Variants in ARHGEF10 observed in about 807,000 individuals in gnomAD.
The protein encoded by ARHGEF10 is Rho guanine nucleotide exchange factor (GEF) 10.
ARHGEF10 carries 140 observed loss-of-function variants against 147.4 expected under a neutral mutation model. The observed-to-expected ratio is 0.95, with a 90% confidence interval of 0.83 to 1.09. The LOEUF is 1.09. Among genes scored for constraint, ARHGEF10 ranks in the 50% least tolerant of loss-of-function variants. ARHGEF10 has a pLI of 0.00. For synonymous variants in ARHGEF10, 902 were observed against 695.8 expected, an observed-to-expected ratio of 1.30 and a Z score of -4.67; for missense variants, 2,222 against 1,752.7, an observed-to-expected ratio of 1.27 and a Z score of -4.78.
chr8:1,895,210 T>C (rs1464253085), intron 13 of ARHGEF10, among the ~76,000 whole-genome samples: 1 of 152,236 alleles, frequency 6.6e-6, no homozygotes, highest in African/African-American at 2.4e-5. Flanking sequence ...ACTGGCAGTT[T>C]CGAGTCATTT....
intron 2 of ARHGEF10, among the ~76,000 whole-genome samples, chr8:1,850,953 T>G (rs1236058424): frequency 3.3e-5 from 5 of 151,342 alleles, no homozygotes; most frequent in Non-Finnish European, 7.4e-5. Context: ...CTGAAAAGGC[T>G]GCGCCCGGTG....
intron 4 of ARHGEF10, among the ~76,000 whole-genome samples, chr8:1,861,899 TTTGA>T (rs939128229): frequency 2.0e-5 from 3 of 152,240 alleles, no homozygotes; most frequent in Admixed American, 1.3e-4. Flanking sequence ...TAAAATATTA[TTTGA>T]TTATTTAAAA....
chr8:1,944,211 G>A (rs1263248770), intron 26 of ARHGEF10, among the ~76,000 whole-genome samples: 4 of 148,660 alleles, frequency 2.7e-5, no homozygotes, highest in Non-Finnish European at 4.5e-5. Flanking sequence ...CCAGCCTCCT[G>A]CACCATGTCG....
At chr8:1,915,442 G>A (rs1419849746) in intron 18 of ARHGEF10, among the ~76,000 whole-genome samples, 3 of 152,216 alleles carry the variant, frequency 2.0e-5, no homozygotes, top group Non-Finnish European at 2.9e-5. Flanking sequence ...CCTGGGACTT[G>A]GGTCCCTGTT....
chr8:1,915,167 C>T (rs1293193456), intron 18 of ARHGEF10, among the ~76,000 whole-genome samples: 1 of 152,176 alleles, frequency 6.6e-6, no homozygotes, highest in Non-Finnish European at 1.5e-5. Flanking sequence ...TTCAAACATA[C>T]ATAGGGAGTA....
Position 1,957,274 on chromosome 8 carries a change from C to G in ARHGEF10, c.*11C>G. 6.2e-7 allele frequency: 1 copy of G among 1,604,218 alleles called. No individual in the cohort carries two copies. On this transcript the variant is annotated 3_prime_UTR_variant, in exon 29 of 29. Coordinates refer to ENST00000349830, the MANE Select transcript of ARHGEF10 (RefSeq NM_014629.4). ...CTGCTGAATATATAAGCAGGACGGC[C>G]GCCTTCTGCTGTCAGAATTTGCAAT...
At chr8:1,871,269 A>G (rs1019213679) in intron 7 of ARHGEF10, 4 of 152,128 alleles carry the variant, frequency 2.6e-5, no homozygotes, top group East Asian at 1.9e-4. Context: ...TTAACTATAT[A>G]GTATGCCTCA....
intron 11 of ARHGEF10, among the ~76,000 whole-genome samples, chr8:1,889,735 CGAGGAGACATTGAGTGGGATGAGGGTTGT>C (rs1269209878): frequency 2.1e-5 from 1 of 46,926 alleles, no homozygotes; most frequent in African/African-American, 9.4e-5. Flanking sequence ...GTGAGGGTTG[CGAGGAGACATTGAGTGGGATGAGGGTTGT>C]GAGGAGACAC....
chr8:1,894,225 C>A (rs1027937677), intron 12 of ARHGEF10, among the ~76,000 whole-genome samples, 168 bp from the exon 13 acceptor site: 3 of 151,574 alleles, frequency 2.0e-5, no homozygotes, highest in African/African-American at 4.8e-5. Flanking sequence ...TGGAACATGC[C>A]TATAATCCCA....
chr8:1,859,978 A>T lies in ARHGEF10; in HGVS notation c.275A>T (p.Tyr92Phe), dbSNP rs1805959634. ...KLVLPMKVNP[Y>F]SVIDITPFQE... Reference sequence around the variant, plus strand: ...GTGCTCCCGATGAAAGTCAACCCATATTCTGTCATCGACATCACGCCATTC... The same window carrying T: ...GTGCTCCCGATGAAAGTCAACCCATTTTCTGTCATCGACATCACGCCATTC... The change falls in exon 4 of 29, where the codon TAT (tyrosine) becomes TTT (phenylalanine). Residue 92 changes from tyrosine to phenylalanine, a missense_variant. Physicochemically the swap from Tyr to Phe is conservative, Grantham distance 22. Transcript: ENST00000349830. 2 of 1,614,024 alleles carry T rather than the reference A, an allele frequency of 1.2e-6. No individual in the cohort carries two copies. Among genetic ancestry groups the T allele is most frequent in the Admixed American group, 3.3e-5 (2 of 60,010 alleles).
At chr8:1,904,009 A>T (rs559322966) in intron 16 of ARHGEF10, 4 of 159,910 alleles carry the variant, frequency 2.5e-5, no homozygotes, top group African/African-American at 7.2e-5. Flanking sequence ...AGGCCAGAGG[A>T]TTGCTCGAGC....
chr8:1,908,502 G>A (rs920142939), intron 17 of ARHGEF10, among the ~76,000 whole-genome samples: 1 of 152,118 alleles, frequency 6.6e-6, no homozygotes, highest in Non-Finnish European at 1.5e-5. Context: ...AAAGTGCTGG[G>A]ATTACAGGCG....
Position 1,856,230 on chromosome 8 carries a change from A to T in ARHGEF10, c.38-1730A>T, listed in dbSNP as rs572688579. Among the ~76,000 whole-genome samples, 131 of 152,340 alleles carry T rather than the reference A, an allele frequency of 8.6e-4. 1 individual carries two copies. The South Asian group carries it at 0.023, about 27-fold the overall frequency. ...TGTTTTAAAAATAACACATTTCTGA[A>T]TCCTTTTTCTTGATTCAATTTTAGT... On this transcript the variant is annotated intron_variant, in intron 2 of 28. Transcript: ENST00000349830.
At chr8:1,915,075 C>T (rs1048084850) in intron 18 of ARHGEF10, among the ~76,000 whole-genome samples, 4 of 149,696 alleles carry the variant, frequency 2.7e-5, no homozygotes, top group Non-Finnish European at 5.9e-5. Flanking sequence ...GTGTCCTGTG[C>T]CCCTGTGTGC....
At chr8:1,923,149 T>C in intron 19 of ARHGEF10, 70 bp downstream of exon 19, 4 of 1,148,156 alleles carry the variant, frequency 3.5e-6, no homozygotes, top group Non-Finnish European at 5.2e-6. Flanking sequence ...TGTGATTATA[T>C]CTCCAAGTTC....
At chr8:1,870,480 C>G (rs1360179059) in intron 7 of ARHGEF10, 1 of 152,002 alleles carries the variant, frequency 6.6e-6, no homozygotes, top group African/African-American at 2.4e-5. Flanking sequence ...AAGAAATCCT[C>G]AGATTGGATA....
chr8:1,824,398 C>T (rs905347389), intron 1 of ARHGEF10, among the ~76,000 whole-genome samples: 6 of 152,108 alleles, frequency 3.9e-5, no homozygotes, highest in African/African-American at 9.6e-5. Flanking sequence ...GAGCGAACTC[C>T]GATCGGCGGA....
At chr8:1,873,924 G>A (rs997943012) in intron 7 of ARHGEF10, among the ~76,000 whole-genome samples, 12 of 152,114 alleles carry the variant, frequency 7.9e-5, no homozygotes, top group African/African-American at 2.9e-4. Flanking sequence ...CAGCACGTAG[G>A]ACTGAGTGGC....
chr8:1,950,620 C>T (rs1342731295), intron 27 of ARHGEF10, among the ~76,000 whole-genome samples: 1 of 151,940 alleles, frequency 6.6e-6, no homozygotes, highest in Non-Finnish European at 1.5e-5. Context: ...GCAACCTCCG[C>T]CTCCCGGGTT....
Sources: allele counts gnomAD v4.1 joint callset (sites outside exome capture counted in the v4.1 genomes callset), GRCh38; gene constraint gnomAD v4.1.1; transcripts MANE v1.5; gene names NCBI Gene and HGNC (gene_info 2026-07-23, HGNC 2026-07-21).